Variants in ADH1C observed in about 807,000 individuals in gnomAD.
ADH1C encodes the protein alcohol dehydrogenase 1C (class I), gamma polypeptide.
Under a neutral mutation model 35.0 loss-of-function variants are expected in ADH1C, and 26 were observed. That is an observed-to-expected ratio of 0.74 (90% CI 0.54 to 1.03). The LOEUF (loss-of-function observed/expected upper bound fraction) is 1.03. ADH1C is among the 50% of genes least tolerant of loss of function. ADH1C has a pLI of 0.00. For synonymous variants in ADH1C, 170 were observed against 169.3 expected (o/e 1.00, Z -0.03); for missense variants, 413 against 465.4 (o/e 0.89, Z 1.04).
chr4:99,341,954 G>A (rs1285170295), intron 6 of ADH1C, among the ~76,000 whole-genome samples: 2 of 151,366 alleles, frequency 1.3e-5, no homozygotes, highest in South Asian at 4.2e-4. Context: ...TAAGGCTGCA[G>A]TGAGCCATAA....
chr4:99,345,305 G>A (rs1218664191), intron 3 of ADH1C, 39 bp from the exon 4 acceptor site: 22 of 1,566,708 alleles, frequency 1.4e-5, no homozygotes, highest in Non-Finnish European at 1.9e-5. Context: ...AAATTTCTAT[G>A]CAGGAATTAA....
chr4:99,343,150 C>G, intron 5 of ADH1C, 95 bp from the exon 6 acceptor site: 2 of 1,492,374 alleles, frequency 1.3e-6, no homozygotes, highest in Non-Finnish European at 1.8e-6. Context: ...TTATCAAGAA[C>G]TACTCAGACT....
chr4:99,339,525 C>CAT, intron 8 of ADH1C, 52 bp downstream of exon 8: 1 of 1,281,806 alleles, frequency 7.8e-7, no homozygotes, highest in Non-Finnish European at 1.0e-6. Flanking sequence ...CCCCCCCCCC[C>CAT]CGCCGCTACT....
intron 8 of ADH1C, among the ~76,000 whole-genome samples, chr4:99,338,216 C>T (rs987883584): frequency 2.0e-5 from 3 of 150,548 alleles, no homozygotes; most frequent in African/African-American, 7.3e-5. Flanking sequence ...TTTACATATG[C>T]GTATTACTAT....
Position 99,347,831 on chromosome 4 carries a change from C to T in ADH1C, c.34G>A (p.Ala12Thr). The T allele has an allele frequency of 6.2e-7, 1 of 1,613,772 alleles. No homozygotes were observed. Among genetic ancestry groups the T allele is most frequent in the Non-Finnish European group, 8.5e-7 (1 of 1,179,760 alleles). Reference sequence around the variant, plus strand: ...TTCTTTAACTCCCATAGCACAGCTGCTTTGCATTTGATTACCTAGAACATC... The same window carrying T: ...TTCTTTAACTCCCATAGCACAGCTGTTTTGCATTTGATTACCTAGAACATC... ...STAGKVIKCK[A>T]AVLWELKKPF... Residue 12 changes from alanine to threonine, a missense_variant, in exon 2 of 9, where the codon GCA (alanine) becomes ACA (threonine). Ala to Thr is a moderately conservative substitution (Grantham distance 58, BLOSUM62 0). Transcript: ENST00000515683.
chr4:99,339,045 A>T (rs1734352068), intron 8 of ADH1C, among the ~76,000 whole-genome samples: 1 of 151,528 alleles, frequency 6.6e-6, no homozygotes, highest in African/African-American at 2.4e-5. Flanking sequence ...TTCTTAGTAA[A>T]TTTTTTTTTC....
At chr4:99,344,337 A>G (rs1734478762) in intron 5 of ADH1C, among the ~76,000 whole-genome samples, 1 of 152,184 alleles carries the variant, frequency 6.6e-6, no homozygotes, top group Non-Finnish European at 1.5e-5. Flanking sequence ...ATTATGCATC[A>G]CTGAGTCTTT....
At chr4:99,341,969 A>G (rs2110655741) in intron 6 of ADH1C, among the ~76,000 whole-genome samples, 1 of 151,630 alleles carries the variant, frequency 6.6e-6, no homozygotes, top group Admixed American at 6.6e-5. Context: ...CCATAATCAT[A>G]TCACTGCACT....
rs1001108935 is a variant in ADH1C, at chr4:99,344,873, T to C, written c.556A>G (p.Lys186Glu). 12 of 1,614,110 alleles carry C rather than the reference T, an allele frequency of 7.4e-6. No individual in the cohort carries two copies. The African/African-American group carries it at 1.6e-4, about 22-fold the overall frequency. ...GFSTGYGSAV[K>E]VAKVTPGSTC... The stretch of plus-strand genomic sequence containing the variant: ...ATTGTCATTTCTACCTTGGCAACTT[T>C]GACTGCAGACCCATAACCAGTCGAA... Residue 186 changes from lysine to glutamate, a missense_variant, in exon 5 of 9, where the codon AAA becomes GAA. Lys to Glu is a moderately conservative substitution (Grantham distance 56). Coordinates refer to ENST00000515683, the MANE Select transcript of ADH1C (RefSeq NM_000669.5).
chr4:99,347,860 C>G lies in ADH1C; in HGVS notation c.19-14G>C, dbSNP rs908629619. On this transcript the variant is annotated splice_polypyrimidine_tract_variant and intron_variant, in intron 1 of 8. Transcript: ENST00000515683. The stretch of plus-strand genomic sequence containing the variant: ...GCATTTGATTACCTAGAACATCAGA[C>G]AGAGAGATGGTACCAGTGTTTTCCC... 7.4e-6 allele frequency: 12 copies of G among 1,613,100 alleles called. No homozygotes were observed. In the African/African-American group the frequency reaches 1.5e-4, roughly 20 times the overall value.
Position 99,345,014 on chromosome 4 carries a change from G to T in ADH1C, c.415C>A (p.His139Asn). The T allele has an allele frequency of 6.2e-7, 1 of 1,614,208 alleles. No individual in the cohort carries two copies. The highest frequency in any genetic ancestry group is 8.5e-7 in the Non-Finnish European group (1 of 1,180,048). The change falls in exon 5 of 9, where the codon CAC (histidine) becomes AAC (asparagine). Residue 139 changes from histidine (H) to asparagine (N), a missense_variant. Physicochemically the swap from His to Asn is moderately conservative, Grantham distance 68. Transcript: ENST00000515683. ...AAGGTGCTGACGCCGACGAAGTGGTGGATGGGCTTCCCGCTGCAGGTGAAC... is the reference window on the plus strand; with the variant it reads ...AAGGTGCTGACGCCGACGAAGTGGTTGATGGGCTTCCCGCTGCAGGTGAAC... ...RRFTCSGKPI[H>N]HFVGVSTFSQ...
At chr4:99,339,745 T>G in intron 7 of ADH1C, 30 bp from the exon 8 acceptor site, 1 of 1,585,448 alleles carries the variant, frequency 6.3e-7, no homozygotes, top group Non-Finnish European at 8.6e-7. Context: ...ATTGATAGAT[T>G]CAACCAGGGT....
At chr4:99,346,878 C>T in intron 3 of ADH1C, 128 bp downstream of exon 3, 1 of 1,468,780 alleles carries the variant, frequency 6.8e-7, no homozygotes, top group Non-Finnish European at 9.1e-7. Flanking sequence ...GAGGAAACCC[C>T]TGAAGTCCCA....
chr4:99,342,955 A>G lies in ADH1C; in HGVS notation c.668T>C (p.Val223Ala). 6.2e-7 allele frequency: 1 copy of G among 1,614,242 alleles called. No individual in the cohort carries two copies. The highest frequency in any genetic ancestry group is 1.3e-5 in the African/African-American group (1 of 75,068). ...TGCAAATTTGTCCTTGTTGATGTCC[A>G]CAGCAATGATTCTGGCTGCTCCAGC... ...KAAGAARIIA[V>A]DINKDKFAKA... The change falls in exon 6 of 9, where the codon GTG becomes GCG. Residue 223 changes from valine to alanine, a missense_variant. By Grantham distance (64) the Val-to-Ala change is moderately conservative. Coordinates refer to ENST00000515683, the MANE Select transcript of ADH1C (RefSeq NM_000669.5).
chr4:99,338,153 C>T (rs1357987067), intron 8 of ADH1C, among the ~76,000 whole-genome samples: 1 of 151,342 alleles, frequency 6.6e-6, no homozygotes, highest in Non-Finnish European at 1.5e-5. Context: ...TCACCTTACT[C>T]TTACCAATAT....
intron 1 of ADH1C, 111 bp from the exon 2 acceptor site, chr4:99,347,957 C>G: frequency 8.2e-7 from 1 of 1,220,596 alleles, no homozygotes; most frequent in Non-Finnish European, 1.2e-6. Flanking sequence ...TGGCACCTAA[C>G]AAGTGTTGCA....
intron 6 of ADH1C, among the ~76,000 whole-genome samples, 154 bp from the exon 7 acceptor site, chr4:99,340,864 G>A (rs781613023): frequency 1.3e-5 from 2 of 152,172 alleles, no homozygotes; most frequent in Admixed American, 1.3e-4. Context: ...TCTTTGCATA[G>A]GATAATGCTG....
intron 7 of ADH1C, among the ~76,000 whole-genome samples, chr4:99,340,184 C>T (rs35418122): frequency 9.9e-5 from 15 of 152,192 alleles, no homozygotes; most frequent in South Asian, 2.1e-4. Flanking sequence ...GTTGGGAGGC[C>T]GAGGCAGGCA....
chr4:99,345,718 C>T (rs964742272), intron 3 of ADH1C, among the ~76,000 whole-genome samples: 7 of 152,090 alleles, frequency 4.6e-5, no homozygotes, highest in Non-Finnish European at 1.0e-4. Context: ...TGATTTACAA[C>T]AAAAATGAGA....
Sources: allele counts gnomAD v4.1 joint callset (sites outside exome capture counted in the v4.1 genomes callset), GRCh38; gene constraint gnomAD v4.1.1; transcripts MANE v1.5; gene names NCBI Gene and HGNC (gene_info 2026-07-23, HGNC 2026-07-21).